Variants in PIGH observed in about 807,000 individuals in gnomAD.
PIGH encodes the protein phosphatidylinositol N-acetylglucosaminyltransferase subunit H.
In PIGH, 11 loss-of-function variants were observed where a neutral mutation model predicts 20.1. That is an observed-to-expected ratio of 0.55 (90% confidence interval 0.34 to 0.91). The LOEUF is 0.91. Among genes scored for constraint, PIGH ranks in the 40% least tolerant of loss-of-function variants. The probability of loss-of-function intolerance (pLI) is 0.02; values close to 1 mark genes in which losing one functional copy is unlikely to be tolerated. For synonymous variants in PIGH, 72 were observed against 93.1 expected, an observed-to-expected ratio of 0.77 and a Z score of 1.31; for missense variants, 189 against 233.6, an observed-to-expected ratio of 0.81 and a Z score of 1.24.
chr14:67,594,945 C>A (rs1421839655), intron 1 of PIGH, among the ~76,000 whole-genome samples: 1 of 151,846 alleles, frequency 6.6e-6, no homozygotes, highest in East Asian at 1.9e-4. Context: ...GTCAGGAGAT[C>A]GAGACCACGG....
At chr14:67,593,976 CA>C in intron 1 of PIGH, 24 bp from the exon 2 acceptor site, 1 of 1,525,420 alleles carries the variant, frequency 6.6e-7, no homozygotes, top group Admixed American at 1.7e-5. Context: ...CAGACACAGA[CA>C]GTAAGATTAC....
At chr14:67,594,059 G>C (rs531804338) in intron 1 of PIGH, 107 bp from the exon 2 acceptor site, 1 of 702,984 alleles carries the variant, frequency 1.4e-6, no homozygotes, top group East Asian at 2.7e-5. Context: ...TTTTATTTGG[G>C]TTCTAAGGTG....
intron 3 of PIGH, among the ~76,000 whole-genome samples, chr14:67,590,433 A>G (rs2036336523): frequency 1.3e-5 from 2 of 152,132 alleles, no homozygotes; most frequent in Admixed American, 1.3e-4. Context: ...ATCTCGGCTC[A>G]CTGAAACCTC....
intron 2 of PIGH, chr14:67,593,490 CAAAA>C (rs5809356): frequency 9.4e-5 from 31 of 330,730 alleles, no homozygotes; most frequent in Middle Eastern, 9.4e-4. Flanking sequence ...GACCCTGTCT[CAAAA>C]AAAAAAAAAG....
intron 1 of PIGH, among the ~76,000 whole-genome samples, chr14:67,594,891 T>G (rs949764254): frequency 1.6e-4 from 25 of 152,298 alleles, no homozygotes; most frequent in Non-Finnish European, 2.9e-4. Context: ...GGCTCACGCC[T>G]GTAATCCCAG....
In PIGH at chr14:67,589,650, GT is replaced by G; in HGVS notation, c.*429del. The G allele has an allele frequency of 1.0e-6, 1 of 989,448 alleles. No homozygotes were observed. The highest frequency in any genetic ancestry group is 4.6e-5 in the South Asian group (1 of 21,652). The allele number at this position is 989,448 out of a possible 1,614,324, so 61.3% of individuals were successfully genotyped here. ...GTAGGACATTTCTTCCTGCTAACCA[GT>G]ACTGAAGGGCTTGTTTTTTTCGTAA... On this transcript the variant is annotated 3_prime_UTR_variant, in exon 4 of 4. Coordinates refer to ENST00000216452, the MANE Select transcript of PIGH (RefSeq NM_004569.5).
Position 67,589,352 on chromosome 14 carries a change from C to G in PIGH, c.*728G>C. ...TTATTCTTTGTTAACATGAGAGTCCCATGTCTGAAAACCAAAGTCCAATTT... is the reference window on the plus strand; with the variant it reads ...TTATTCTTTGTTAACATGAGAGTCCGATGTCTGAAAACCAAAGTCCAATTT... On this transcript the variant is annotated 3_prime_UTR_variant, in exon 4 of 4. Transcript: ENST00000216452. 1.0e-6 allele frequency: 1 copy of G among 983,202 alleles called. No individual in the cohort carries two copies. The allele number at this position is 983,202 out of a possible 1,614,324, so 60.9% of individuals were successfully genotyped here. A position where few individuals can be genotyped will look rare whatever the true frequency, so the allele number is the denominator to read the frequency against.
intron 3 of PIGH, among the ~76,000 whole-genome samples, chr14:67,591,636 A>C (rs554768715): frequency 2.2e-4 from 33 of 152,234 alleles, no homozygotes; most frequent in African/African-American, 7.2e-4. Flanking sequence ...GGCTCAAGCA[A>C]TCCTCCCACC....
chr14:67,594,179 A>T (rs2036428094), intron 1 of PIGH, among the ~76,000 whole-genome samples: 2 of 152,174 alleles, frequency 1.3e-5, no homozygotes, highest in Non-Finnish European at 2.9e-5. Context: ...TTCTTCCAAA[A>T]TTCCAACTTT....
rs757533189 is a variant in PIGH at position 67,589,918 on chromosome 14, G to A, written c.*162C>T. 1.5e-5 allele frequency: 20 copies of A among 1,299,036 alleles called. No homozygotes were observed. The highest frequency in any genetic ancestry group is 2.0e-5 in the Non-Finnish European group (20 of 1,023,026). The allele number at this position is 1,299,036 out of a possible 1,614,324, so 80.5% of individuals were successfully genotyped here. A position where few individuals can be genotyped will look rare whatever the true frequency, so the allele number is the denominator to read the frequency against. ...ACTATAATACACGGAAATATACTGA[G>A]TTAGATTTCCAGTCACCTGCTCTAT... is the stretch of plus-strand genomic sequence containing the variant. On this transcript the variant is annotated 3_prime_UTR_variant, in exon 4 of 4. Transcript: ENST00000216452.
At chr14:67,592,778 T>C in intron 2 of PIGH, 60 bp from the exon 3 acceptor site, 1 of 1,043,468 alleles carries the variant, frequency 9.6e-7, no homozygotes, top group Non-Finnish European at 1.5e-6. Context: ...ATTCTTTTTT[T>C]CTTTTTCCTT....
In PIGH at chr14:67,600,006, G is replaced by A. The variant is rs759528670; in HGVS notation, c.180+18C>T. 5 of 1,542,694 alleles carry A rather than the reference G, an allele frequency of 3.2e-6. No homozygotes were observed. The East Asian group carries it at 9.8e-5, about 30-fold the overall frequency. On this transcript the variant is annotated intron_variant, in intron 1 of 3. Coordinates refer to ENST00000216452, the MANE Select transcript of PIGH (RefSeq NM_004569.5). ...AACCCCCTCCTTCGAGCGCGGGGAG[G>A]GGCCGACTTGCCATTACCTCGCAGA...
chr14:67,589,343 T>G lies in PIGH; in HGVS notation c.*737A>C. The G allele has an allele frequency of 1.0e-6, 1 of 981,706 alleles. No individual in the cohort carries two copies. The highest frequency in any genetic ancestry group is 1.2e-6 in the Non-Finnish European group (1 of 826,554). The allele number at this position is 981,706 out of a possible 1,614,324, so 60.8% of individuals were successfully genotyped here. A position where few individuals can be genotyped will look rare whatever the true frequency, so the allele number is the denominator to read the frequency against. Reference sequence around the variant, plus strand: ...TTTGCTTATTTATTCTTTGTTAACATGAGAGTCCCATGTCTGAAAACCAAA... The same window carrying G: ...TTTGCTTATTTATTCTTTGTTAACAGGAGAGTCCCATGTCTGAAAACCAAA... On this transcript the variant is annotated 3_prime_UTR_variant, in exon 4 of 4. Coordinates refer to ENST00000216452, the MANE Select transcript of PIGH (RefSeq NM_004569.5).
At chr14:67,590,747 C>T (rs2036346646) in intron 3 of PIGH, among the ~76,000 whole-genome samples, 1 of 152,172 alleles carries the variant, frequency 6.6e-6, no homozygotes, top group African/African-American at 2.4e-5. Flanking sequence ...GGCCTCAGCA[C>T]ACCTTGCTGG....
chr14:67,599,924 A>C (rs2036544572), intron 1 of PIGH, 100 bp downstream of exon 1: 2 of 967,172 alleles, frequency 2.1e-6, no homozygotes, highest in African/African-American at 1.7e-5. Context: ...TCACTGTAGG[A>C]GGGGCCGACC....
chr14:67,592,802 T>C, intron 2 of PIGH, 84 bp from the exon 3 acceptor site: 1 of 900,644 alleles, frequency 1.1e-6, no homozygotes, highest in Non-Finnish European at 1.8e-6. Flanking sequence ...TTATTTATTT[T>C]TGAGACAGAG....
Position 67,596,258 on chromosome 14 carries a change from A to T in PIGH, c.181-2306T>A, listed in dbSNP as rs2036471634. 2.2e-5 allele frequency among the ~76,000 whole-genome samples: 3 copies of T among 133,646 alleles called. No homozygotes were observed. In the South Asian group the frequency reaches 7.2e-4, roughly 32 times the overall value. The allele number at this position is 133,646 out of a possible 152,430, so 87.7% of individuals were successfully genotyped here. A position where few individuals can be genotyped will look rare whatever the true frequency, so the allele number is the denominator to read the frequency against. On this transcript the variant is annotated intron_variant, in intron 1 of 3. Transcript: ENST00000216452. ...ATTCTCCTGCCTCAGCCTCCCTAGT[A>T]GCTGGGATTACAGGCACCCGCCACC... is the stretch of plus-strand genomic sequence containing the variant.
Position 67,597,085 on chromosome 14 carries a change from G to C in PIGH, c.180+2939C>G, listed in dbSNP as rs140318494. ...TTTTGTCTGGCCCATCTCAAGCAAA[G>C]AATGATTTTTAAGTTTTTACAGGGT... On this transcript the variant is annotated intron_variant, in intron 1 of 3. Transcript: ENST00000216452. Among the ~76,000 whole-genome samples the C allele has an allele frequency of 1.2e-4, 19 of 152,310 alleles. No individual in the cohort carries two copies. In the East Asian group the frequency reaches 3.7e-3, roughly 29 times the overall value.
chr14:67,591,356 A>G (rs2036364616), intron 3 of PIGH, among the ~76,000 whole-genome samples: 1 of 152,240 alleles, frequency 6.6e-6, no homozygotes. Flanking sequence ...CTTAAACACT[A>G]GAAATCTATA....
Sources: gnomAD v4.1 joint callset for allele counts (sites outside exome capture counted in the v4.1 genomes callset) on GRCh38, gnomAD v4.1.1 for gene constraint, MANE v1.5 for transcripts, NCBI Gene and HGNC (gene_info 2026-07-23, HGNC 2026-07-21) for gene names.